Variants in MECOM observed in about 807,000 individuals in gnomAD.
The protein encoded by MECOM is histone-lysine N-methyltransferase MECOM.
A neutral mutation model predicts 116.3 loss-of-function variants in MECOM; 13 were observed. The ratio of observed to expected loss-of-function variants is 0.11; its 90% CI spans 0.07 to 0.18. The LOEUF is 0.18. Among genes scored for constraint, MECOM ranks in the 10% least tolerant of loss-of-function variants. MECOM has a pLI of 1.00. For missense variants in MECOM, 1,299 were observed against 1,509.0 expected (o/e 0.86, Z 2.31); for synonymous variants, 528 against 535.2 (o/e 0.99, Z 0.19).
intron 2 of MECOM, among the ~76,000 whole-genome samples, chr3:169,184,866 G>A (rs149365216): frequency 1.3e-5 from 2 of 152,194 alleles, no homozygotes; most frequent in African/African-American, 4.8e-5. Flanking sequence ...TAAGGGAAAG[G>A]CAGAGTGATT....
At chr3:169,654,799 C>T (rs1339098969) in intron 1 of MECOM, among the ~76,000 whole-genome samples, 2 of 141,898 alleles carry the variant, frequency 1.4e-5, no homozygotes, top group South Asian at 2.2e-4. Flanking sequence ...GTAATAAGTA[C>T]TTCCACCTAT....
chr3:169,510,626 A>ATTAACAAAGG lies in MECOM; in HGVS notation c.38-129112_38-129103dup, dbSNP rs143906757. On this transcript the variant is annotated intron_variant, in intron 1 of 16. Coordinates refer to ENST00000651503, the MANE Select transcript of MECOM (RefSeq NM_004991.4). Reference sequence around the variant, plus strand: ...CATTAGGCCTGACTTCAGATGAAGCATTAACAAAGGTTGACAAAGGTCAGG... The same window carrying ATTAACAAAGG: ...CATTAGGCCTGACTTCAGATGAAGCATTAACAAAGGTTAACAAAGGTTGACAAAGGTCAGG... Among the ~76,000 whole-genome samples the ATTAACAAAGG allele has an allele frequency of 8.3e-3, 1,263 of 152,362 alleles. 15 individuals carry two copies. The highest frequency in any genetic ancestry group is 0.026 in the South Asian group (123 of 4,822).
intron 2 of MECOM, among the ~76,000 whole-genome samples, chr3:169,357,814 A>C (rs1291410932): frequency 1.3e-5 from 2 of 151,942 alleles, no homozygotes; most frequent in East Asian, 3.9e-4. Flanking sequence ...AGAGAAAATA[A>C]AGACAGAAAA....
intron 2 of MECOM, among the ~76,000 whole-genome samples, chr3:169,322,952 A>G (rs1322410277): frequency 7.7e-6 from 1 of 130,314 alleles, no homozygotes; most frequent in African/African-American, 2.8e-5. Flanking sequence ...GTGAGCTGAG[A>G]TTGCACCACT....
At chr3:169,534,743 G>A (rs1361689056) in intron 1 of MECOM, among the ~76,000 whole-genome samples, 1 of 152,126 alleles carries the variant, frequency 6.6e-6, no homozygotes, top group Non-Finnish European at 1.5e-5. Flanking sequence ...CATGAGCAAG[G>A]TGCTATTCTC....
intron 2 of MECOM, among the ~76,000 whole-genome samples, chr3:169,184,057 G>A (rs146025139): frequency 2.2e-3 from 340 of 151,878 alleles, no homozygotes; most frequent in African/African-American, 7.9e-3. Context: ...GTAGAGACGC[G>A]ATTTCACCAC....
chr3:169,523,092 T>A (rs1560389159), intron 1 of MECOM, among the ~76,000 whole-genome samples: 1 of 152,176 alleles, frequency 6.6e-6, no homozygotes, highest in Non-Finnish European at 1.5e-5. Flanking sequence ...AGATCTTTTA[T>A]CTTTTCTTTT....
At chr3:169,577,399 A>C (rs1194458189) in intron 1 of MECOM, among the ~76,000 whole-genome samples, 1 of 152,074 alleles carries the variant, frequency 6.6e-6, no homozygotes, top group African/African-American at 2.4e-5. Context: ...CTAGCCATCT[A>C]ACTCTCTTCA....
At position 169,089,069 on chromosome 3, in the gene MECOM, C is replaced by G; in HGVS notation, c.3516G>C (p.Leu1172=). The change falls in exon 16 of 17, where the codon CTG becomes CTC. Residue 1172 remains leucine, a synonymous_variant. Coordinates refer to ENST00000651503, the MANE Select transcript of MECOM (RefSeq NM_004991.4). ...GCACATGGGAAGTACTAAAAGAAGA[C>G]AGCTCAGCTTCAGAATATTGATTAT... ...MEDNQYSEAE[L]SSFSTSHVPE... is the part of the protein sequence containing the mutation. The G allele has an allele frequency of 6.2e-7, 1 of 1,610,630 alleles. No individual in the cohort carries two copies. Among genetic ancestry groups the G allele is most frequent in the Non-Finnish European group, 8.5e-7 (1 of 1,178,492 alleles).
intron 1 of MECOM, among the ~76,000 whole-genome samples, chr3:169,640,486 A>T (rs1773327485): frequency 6.6e-6 from 1 of 152,214 alleles, no homozygotes; most frequent in South Asian, 2.1e-4. Flanking sequence ...TTGAGGAGAA[A>T]CCTACTTGTA....
chr3:169,627,850 G>T (rs1206055589), intron 1 of MECOM, among the ~76,000 whole-genome samples: 1 of 152,182 alleles, frequency 6.6e-6, no homozygotes, highest in Non-Finnish European at 1.5e-5. Context: ...CAGGAAAGAG[G>T]ACAAGAATTA....
chr3:169,300,118 T>G (rs950509934), intron 2 of MECOM, among the ~76,000 whole-genome samples: 1 of 152,198 alleles, frequency 6.6e-6, no homozygotes, highest in African/African-American at 2.4e-5. Context: ...ATGGATTGTT[T>G]CAGATTTATG....
chr3:169,435,933 G>T (rs1742559175), intron 1 of MECOM, among the ~76,000 whole-genome samples: 1 of 152,148 alleles, frequency 6.6e-6, no homozygotes, highest in South Asian at 2.1e-4. Context: ...ACTACAGTCG[G>T]TTACAAAACT....
At chr3:169,180,625 C>T (rs6444844) in intron 2 of MECOM, among the ~76,000 whole-genome samples, 14,967 of 151,462 alleles carry the variant, frequency 0.099, 811 homozygotes, top group South Asian at 0.22. Context: ...CAAAAGATGA[C>T]AGGATTTCAT....
chr3:169,495,526 C>T (rs936661029), intron 1 of MECOM, among the ~76,000 whole-genome samples: 9 of 152,036 alleles, frequency 5.9e-5, no homozygotes, highest in South Asian at 2.1e-4. Context: ...CTATATTTTT[C>T]GAAAGAATGC....
intron 1 of MECOM, among the ~76,000 whole-genome samples, chr3:169,601,418 C>T (rs1767817039): frequency 6.6e-6 from 1 of 152,180 alleles, no homozygotes; most frequent in Admixed American, 6.5e-5. Flanking sequence ...ATGTCAAAGC[C>T]AGGCATGCCT....
chr3:169,299,475 C>T (rs1384800693), intron 2 of MECOM, among the ~76,000 whole-genome samples: 3 of 152,130 alleles, frequency 2.0e-5, no homozygotes, highest in African/African-American at 4.8e-5. Flanking sequence ...TTAGGTCACC[C>T]GATTTGGGTT....
At chr3:169,172,340 A>C (rs1744541587) in intron 2 of MECOM, among the ~76,000 whole-genome samples, 2 of 151,164 alleles carry the variant, frequency 1.3e-5, no homozygotes, top group African/African-American at 4.9e-5. Context: ...GACAAATGTC[A>C]ATGTCTTTTC....
intron 1 of MECOM, among the ~76,000 whole-genome samples, chr3:169,401,899 C>T (rs1049418066): frequency 4.6e-5 from 7 of 152,090 alleles, no homozygotes; most frequent in Non-Finnish European, 8.8e-5. Context: ...CATGCCATAC[C>T]CTAGAGCTTG....
Sources: allele counts gnomAD v4.1 joint callset (sites outside exome capture counted in the v4.1 genomes callset), GRCh38; gene constraint gnomAD v4.1.1; transcripts MANE v1.5; gene names NCBI Gene and HGNC (gene_info 2026-07-23, HGNC 2026-07-21).